Variants in CACNA2D3 observed in about 807,000 individuals in gnomAD.
The protein encoded by CACNA2D3 is calcium voltage-gated channel auxiliary subunit alpha2delta 3.
CACNA2D3 carries 60 observed loss-of-function variants against 160.6 expected under a neutral mutation model. That is an observed-to-expected ratio of 0.37 (90% CI 0.30 to 0.46). The LOEUF (loss-of-function observed/expected upper bound fraction) is 0.46. Among genes scored for constraint, CACNA2D3 ranks in the 20% least tolerant of loss-of-function variants. The probability of loss-of-function intolerance (pLI) is 1.00; values close to 1 mark genes in which losing one functional copy is unlikely to be tolerated. For missense variants in CACNA2D3, 1,205 were observed against 1,365.0 expected, an observed-to-expected ratio of 0.88 and a Z score of 1.85; for synonymous variants, 558 against 492.9, an observed-to-expected ratio of 1.13 and a Z score of -1.75.
intron 5 of CACNA2D3, among the ~76,000 whole-genome samples, chr3:54,524,481 G>T (rs1000478018): frequency 2.6e-5 from 4 of 151,652 alleles, no homozygotes; most frequent in Non-Finnish European, 4.4e-5. Flanking sequence ...TGTATTGTTG[G>T]GTGGTGTCTG....
intron 4 of CACNA2D3, among the ~76,000 whole-genome samples, chr3:54,487,907 C>T (rs959215579): frequency 1.3e-5 from 2 of 152,126 alleles, no homozygotes; most frequent in Non-Finnish European, 2.9e-5. Context: ...ACAGAACATG[C>T]CCATCATCAT....
chr3:54,979,236 T>C (rs1296899860), intron 29 of CACNA2D3, among the ~76,000 whole-genome samples: 1 of 152,194 alleles, frequency 6.6e-6, no homozygotes, highest in Non-Finnish European at 1.5e-5. Context: ...GTACAGGGAC[T>C]GTGTAGACAA....
intron 12 of CACNA2D3, among the ~76,000 whole-genome samples, chr3:54,763,368 T>C (rs1048143722): frequency 2.0e-5 from 3 of 152,112 alleles, no homozygotes; most frequent in Admixed American, 2.0e-4. Flanking sequence ...CACTTAAATA[T>C]GTTGTCACAA....
chr3:54,856,668 G>T (rs935985278), intron 17 of CACNA2D3, among the ~76,000 whole-genome samples: 1 of 152,170 alleles, frequency 6.6e-6, no homozygotes, highest in Non-Finnish European at 1.5e-5. Flanking sequence ...TACACAATTT[G>T]GATAAGCTCG....
intron 35 of CACNA2D3, among the ~76,000 whole-genome samples, chr3:55,067,102 G>GGGA (rs1704666153): frequency 7.1e-6 from 1 of 140,058 alleles, no homozygotes; most frequent in African/African-American, 3.0e-5. Flanking sequence ...CTTTTGTAGC[G>GGGA]GGGGGGGCTT....
intron 4 of CACNA2D3, among the ~76,000 whole-genome samples, chr3:54,433,948 G>A (rs376225118): frequency 5.9e-5 from 9 of 152,338 alleles, no homozygotes; most frequent in African/African-American, 2.2e-4. Flanking sequence ...GAAGCAAGCA[G>A]CATTGCTTCC....
At position 54,842,568 on chromosome 3, in the gene CACNA2D3, CTCTTT is replaced by C. The variant is rs371661030; in HGVS notation, c.1552-3811_1552-3807del. On this transcript the variant is annotated intron_variant, in intron 16 of 37. Coordinates refer to ENST00000474759, the MANE Select transcript of CACNA2D3 (RefSeq NM_018398.3). Reference sequence around the variant, plus strand: ...TGCCTCCAGTTATTTCTTTTTTCTTCTCTTTTCTTTTCTTTTCTCTTTTTCTTTTT... The same window carrying C: ...TGCCTCCAGTTATTTCTTTTTTCTTCTCTTTTCTTTTCTCTTTTTCTTTTT... 2.8e-3 allele frequency among the ~76,000 whole-genome samples: 418 copies of C among 151,600 alleles called. 2 individuals carry two copies. The highest frequency in any genetic ancestry group is 8.6e-3 in the African/African-American group (355 of 41,308).
At chr3:54,996,134 A>G (rs1559458489) in intron 31 of CACNA2D3, among the ~76,000 whole-genome samples, 1 of 152,264 alleles carries the variant, frequency 6.6e-6, no homozygotes, top group Non-Finnish European at 1.5e-5. Context: ...CACACTGCCA[A>G]GTGCAGTACA....
intron 9 of CACNA2D3, among the ~76,000 whole-genome samples, chr3:54,603,049 G>A (rs921338609): frequency 6.6e-5 from 10 of 152,122 alleles, no homozygotes; most frequent in Non-Finnish European, 1.2e-4. Context: ...CTCTCTGTTC[G>A]GTGTCACTAT....
chr3:54,437,222 T>C (rs530106065), intron 4 of CACNA2D3, among the ~76,000 whole-genome samples: 8 of 152,360 alleles, frequency 5.3e-5, no homozygotes, highest in Non-Finnish European at 7.3e-5. Context: ...TTCAATAGTT[T>C]TTTCAATGAG....
Position 54,887,994 on chromosome 3 carries a change from G to T in CACNA2D3, c.2092G>T (p.Ala698Ser). The change falls in exon 24 of 38, where the codon GCG becomes TCG. Residue 698 changes from alanine (A) to serine (S), a missense_variant. Ala to Ser is a moderately conservative substitution (Grantham distance 99). This residue lies in a region of CACNA2D3 where 911 missense variants were observed against 1,002.2 expected (regional missense o/e 0.91). Transcript: ENST00000474759. ...KELIQEVLFD[A>S]VVSAPIEAYW... ...ATTGATCCAAGAAGTCCTTTTTGAC[G>T]CGGTGGTGAGTGCCCCCATTGAAGC... The T allele has an allele frequency of 6.2e-7, 1 of 1,613,886 alleles. No individual in the cohort carries two copies. The highest frequency in any genetic ancestry group is 8.5e-7 in the Non-Finnish European group (1 of 1,179,832).
intron 4 of CACNA2D3, among the ~76,000 whole-genome samples, chr3:54,482,077 A>G (rs1700942144): frequency 6.6e-6 from 1 of 152,210 alleles, no homozygotes; most frequent in East Asian, 1.9e-4. Context: ...TTCCCAACAA[A>G]TTACATTTGC....
intron 9 of CACNA2D3, among the ~76,000 whole-genome samples, chr3:54,613,853 A>T (rs1698794288): frequency 6.6e-6 from 1 of 152,066 alleles, no homozygotes; most frequent in Non-Finnish European, 1.5e-5. Flanking sequence ...CCATCTAAAA[A>T]TCTCATGCTC....
chr3:54,310,945 A>G (rs1293741860), intron 2 of CACNA2D3, among the ~76,000 whole-genome samples: 1 of 152,144 alleles, frequency 6.6e-6, no homozygotes. Context: ...GAGGACTTGA[A>G]CGTGGAACAT....
At chr3:54,686,305 T>G (rs1374390367) in intron 11 of CACNA2D3, among the ~76,000 whole-genome samples, 1 of 152,214 alleles carries the variant, frequency 6.6e-6, no homozygotes, top group Non-Finnish European at 1.5e-5. Flanking sequence ...TATTTAGAGA[T>G]AAAGCTTGCT....
chr3:54,742,189 C>T (rs904562408), intron 11 of CACNA2D3, among the ~76,000 whole-genome samples: 1 of 152,126 alleles, frequency 6.6e-6, no homozygotes, highest in East Asian at 1.9e-4. Flanking sequence ...GAAGTCGAGG[C>T]GAGTTGATCA....
At chr3:54,149,296 C>CACAT in intron 2 of CACNA2D3, among the ~76,000 whole-genome samples, 1 of 151,830 alleles carries the variant, frequency 6.6e-6, no homozygotes, top group South Asian at 2.1e-4. Context: ...CACACACACA[C>CACAT]ACATATGTGT....
intron 4 of CACNA2D3, among the ~76,000 whole-genome samples, chr3:54,446,581 T>G (rs1235524797): frequency 2.6e-5 from 4 of 152,232 alleles, no homozygotes; most frequent in Non-Finnish European, 5.9e-5. Context: ...TTATCATTTT[T>G]GCTTTTTTTG....
intron 27 of CACNA2D3, among the ~76,000 whole-genome samples, chr3:54,941,640 T>C (rs1211726918): frequency 6.6e-6 from 1 of 152,232 alleles, no homozygotes; most frequent in Non-Finnish European, 1.5e-5. Context: ...AGACAACCCA[T>C]AACATTTAAT....
Sources: allele counts gnomAD v4.1 joint callset (sites outside exome capture counted in the v4.1 genomes callset), GRCh38; gene constraint gnomAD v4.1.1; regional missense constraint gnomAD v4.1.1; transcripts MANE v1.5; gene names NCBI Gene and HGNC (gene_info 2026-07-23, HGNC 2026-07-21).